The following PARPBP variants were observed in gnomAD, a reference collection of about 807,000 sequenced individuals.
PARPBP encodes PCNA-interacting partner.
Under a neutral mutation model 50.0 loss-of-function variants are expected in PARPBP, and 52 were observed. That is an observed-to-expected ratio of 1.04 (90% confidence interval 0.83 to 1.31). The LOEUF is 1.31. Among genes scored for constraint, PARPBP ranks in the 50% most tolerant of loss-of-function variants. The probability of loss-of-function intolerance (pLI) is 0.00; values close to 1 mark genes in which losing one functional copy is unlikely to be tolerated. For missense variants in PARPBP, 697 were observed against 672.0 expected (o/e 1.04, Z -0.41); for synonymous variants, 244 against 232.1 (o/e 1.05, Z -0.47).
At chr12:102,173,713 T>C (rs1316753337) in intron 6 of PARPBP, among the ~76,000 whole-genome samples, 1 of 151,926 alleles carries the variant, frequency 6.6e-6, no homozygotes, top group African/African-American at 2.4e-5. Context: ...GCTTGTCCTC[T>C]TCCACCTTGC....
chr12:102,144,106 AG>A (rs1885038719), intron 2 of PARPBP, among the ~76,000 whole-genome samples: 1 of 152,208 alleles, frequency 6.6e-6, no homozygotes, highest in South Asian at 2.1e-4. Context: ...AAACTGACTC[AG>A]GGGTTTCAGT....
At chr12:102,146,479 T>C (rs113076953) in intron 2 of PARPBP, among the ~76,000 whole-genome samples, 1 of 152,178 alleles carries the variant, frequency 6.6e-6, no homozygotes, top group Non-Finnish European at 1.5e-5. Flanking sequence ...GGATTCCCTA[T>C]TTAATAAATG....
chr12:102,121,586 C>A (rs1373876413), intron 1 of PARPBP, among the ~76,000 whole-genome samples: 2 of 128,164 alleles, frequency 1.6e-5, no homozygotes, highest in Non-Finnish European at 3.2e-5. Flanking sequence ...CAGAGTCTCA[C>A]TCTGTCACCT....
chr12:102,170,905 C>CTTTTTTT (rs56390964), intron 6 of PARPBP, among the ~76,000 whole-genome samples: 25 of 113,278 alleles, frequency 2.2e-4, no homozygotes, highest in South Asian at 2.9e-4. Flanking sequence ...TTTAATTTTT[C>CTTTTTTT]TTTTTTTTTT....
intron 2 of PARPBP, among the ~76,000 whole-genome samples, chr12:102,143,665 T>G (rs1884968634): frequency 6.6e-6 from 1 of 152,216 alleles, no homozygotes; most frequent in Non-Finnish European, 1.5e-5. Context: ...TTTGACGTCA[T>G]TATATGGCGA....
intron 2 of PARPBP, among the ~76,000 whole-genome samples, chr12:102,133,911 C>A (rs1295507397): frequency 1.3e-5 from 2 of 151,580 alleles, no homozygotes; most frequent in African/African-American, 4.8e-5. Context: ...TTTAAAAAAA[C>A]CTTAAAAAAT....
rs201686975 is a variant in PARPBP, at chr12:102,179,266, G to GA, written c.1184+497dup. Among the ~76,000 whole-genome samples the GA allele has an allele frequency of 6.2e-3, 938 of 152,302 alleles. 13 individuals are homozygous for GA. The highest frequency in any genetic ancestry group is 5.7e-3 in the Non-Finnish European group (387 of 68,022). On this transcript the variant is annotated intron_variant, in intron 8 of 10. Coordinates refer to ENST00000327680, the MANE Select transcript of PARPBP (RefSeq NM_017915.5). ...GACTACTATTCTGCCTAGAATAAGAGAGAGCACATACACCAAACTTACACT... is the reference window on the plus strand; with the variant it reads ...GACTACTATTCTGCCTAGAATAAGAGAAGAGCACATACACCAAACTTACACT...
chr12:102,196,672 G>A lies in PARPBP; in HGVS notation c.*381G>A, dbSNP rs200281750. ...AGGTATCAGACTTGCCAACAAGGTC[G>A]GTAGACTCTTCCCAGCATACATCTG... On this transcript the variant is annotated 3_prime_UTR_variant, in exon 11 of 11. Transcript: ENST00000327680. 13 of 1,609,830 alleles carry A rather than the reference G, an allele frequency of 8.1e-6. No homozygotes were observed. Among genetic ancestry groups the A allele is most frequent in the Non-Finnish European group, 1.1e-5 (13 of 1,176,820 alleles).
intron 2 of PARPBP, among the ~76,000 whole-genome samples, chr12:102,139,081 T>C (rs1057513450): frequency 4.6e-5 from 7 of 152,248 alleles, no homozygotes; most frequent in African/African-American, 1.7e-4. Context: ...CCTTGGACAG[T>C]ATGGCCATTT....
chr12:102,146,426 A>C (rs1031335422), intron 2 of PARPBP, among the ~76,000 whole-genome samples: 1 of 152,186 alleles, frequency 6.6e-6, no homozygotes, highest in East Asian at 1.9e-4. Flanking sequence ...ATCTACAACT[A>C]TCTGATCTTT....
chr12:102,146,802 T>G (rs1654006836), intron 2 of PARPBP, among the ~76,000 whole-genome samples: 2 of 152,054 alleles, frequency 1.3e-5, no homozygotes, highest in African/African-American at 2.4e-5. Context: ...GGGAGAAAAT[T>G]TCCGCAACCT....
At chr12:102,167,909 C>G (rs757018222) in intron 6 of PARPBP, among the ~76,000 whole-genome samples, 32 of 152,138 alleles carry the variant, frequency 2.1e-4, no homozygotes, top group Non-Finnish European at 4.1e-4. Flanking sequence ...AGACTGTCAA[C>G]TAGCTTTTCT....
intron 1 of PARPBP, among the ~76,000 whole-genome samples, chr12:102,121,545 C>CTTT (rs35855638): frequency 1.1e-4 from 10 of 87,136 alleles, no homozygotes; most frequent in East Asian, 4.1e-4. Flanking sequence ...TAGTAATGCT[C>CTTT]TTTTTTTTTT....
intron 2 of PARPBP, among the ~76,000 whole-genome samples, chr12:102,125,021 G>A (rs565752002): frequency 5.3e-5 from 8 of 152,172 alleles, no homozygotes; most frequent in Non-Finnish European, 8.8e-5. Flanking sequence ...CAGGGATAGT[G>A]TTTTCTACCT....
At chr12:102,149,555 A>G (rs1594517329) in intron 3 of PARPBP, among the ~76,000 whole-genome samples, 1 of 152,244 alleles carries the variant, frequency 6.6e-6, no homozygotes, top group Non-Finnish European at 1.5e-5. Flanking sequence ...TTAAGGGTAC[A>G]TAGCTTTTTC....
intron 10 of PARPBP, 22 bp from the exon 11 acceptor site, chr12:102,195,929 C>T (rs761574243): frequency 1.4e-6 from 2 of 1,451,644 alleles, no homozygotes; most frequent in African/African-American, 1.4e-5. Context: ...AATTCCTTTC[C>T]CCTTTTTATC....
At chr12:102,131,129 A>G (rs1295019991) in intron 2 of PARPBP, among the ~76,000 whole-genome samples, 2 of 152,176 alleles carry the variant, frequency 1.3e-5, no homozygotes, top group African/African-American at 2.4e-5. Context: ...TTTTGAGACC[A>G]ACCTGGCCAA....
rs953459499 is a variant in PARPBP at position 102,133,756 on chromosome 12, A to C, written c.153+9715A>C. 2.6e-4 allele frequency among the ~76,000 whole-genome samples: 39 copies of C among 152,136 alleles called. 1 individual carries two copies. The highest frequency in any genetic ancestry group is 7.4e-5 in the Non-Finnish European group (5 of 67,994). On this transcript the variant is annotated intron_variant, in intron 2 of 10. Coordinates refer to ENST00000327680, the MANE Select transcript of PARPBP (RefSeq NM_017915.5). ...TATGTTAGCCCACAAAACAAGTCTT[A>C]ACAAATTTAAGAAGATTGAAATCAT...
chr12:102,156,213 G>T (rs1464029043), intron 4 of PARPBP, among the ~76,000 whole-genome samples: 1 of 111,468 alleles, frequency 9.0e-6, no homozygotes, highest in Non-Finnish European at 1.7e-5. Flanking sequence ...TTGAGACGGT[G>T]TCTCCTTCTG....
Sources: gnomAD v4.1 joint callset for allele counts (sites outside exome capture counted in the v4.1 genomes callset) on GRCh38, gnomAD v4.1.1 for gene constraint, MANE v1.5 for transcripts, NCBI Gene and HGNC (gene_info 2026-07-23, HGNC 2026-07-21) for gene names.